SGIP1: variants seen among roughly 807,000 people sequenced by gnomAD.
The protein encoded by SGIP1 is SH3GL interacting endocytic adaptor 1.
In SGIP1, 38 loss-of-function variants were observed where a neutral mutation model predicts 107.5. That is an observed-to-expected ratio of 0.35 (90% CI 0.27 to 0.46). SGIP1 has a LOEUF of 0.46. SGIP1 is among the 20% of genes least tolerant of loss of function. SGIP1 has a pLI of 1.00. For synonymous variants in SGIP1, 365 were observed against 366.1 expected (o/e 1.00, Z 0.03); for missense variants, 929 against 1,019.5 (o/e 0.91, Z 1.21).
intron 4 of SGIP1, 103 bp downstream of exon 4, chr1:66,636,118 C>T (rs920349129): frequency 6.7e-5 from 75 of 1,124,756 alleles, no homozygotes; most frequent in Non-Finnish European, 9.1e-5. Flanking sequence ...TCATTTACTC[C>T]ATTTAAGAAA....
intron 7 of SGIP1, among the ~76,000 whole-genome samples, chr1:66,657,537 T>G (rs1557484105): frequency 6.6e-6 from 1 of 152,182 alleles, no homozygotes; most frequent in African/African-American, 2.4e-5. Flanking sequence ...CTAACTTGAG[T>G]GCATACTTGC....
intron 4 of SGIP1, among the ~76,000 whole-genome samples, chr1:66,637,757 A>G (rs2076068219): frequency 6.6e-6 from 1 of 150,988 alleles, no homozygotes; most frequent in Non-Finnish European, 1.5e-5. Context: ...GTGTGTGTGT[A>G]TAGGTATCTG....
At chr1:66,704,464 A>G (rs141691092) in intron 18 of SGIP1, 37 of 152,274 alleles carry the variant, frequency 2.4e-4, no homozygotes, top group African/African-American at 8.2e-4. Context: ...GAGATGTGGC[A>G]GAAAATCTTT....
intron 4 of SGIP1, 117 bp from the exon 5 acceptor site, chr1:66,639,660 T>G: frequency 1.2e-6 from 1 of 805,938 alleles, no homozygotes; most frequent in East Asian, 2.7e-5. Flanking sequence ...CTAATATGTC[T>G]TTCCAGTGCT....
chr1:66,713,668 G>T (rs944244810), intron 18 of SGIP1, among the ~76,000 whole-genome samples: 7 of 152,178 alleles, frequency 4.6e-5, no homozygotes, highest in African/African-American at 1.7e-4. Context: ...ATAGGGGGAA[G>T]GATATGCCTC....
chr1:66,562,849 C>T (rs1203138864), intron 1 of SGIP1, among the ~76,000 whole-genome samples: 1 of 151,948 alleles, frequency 6.6e-6, no homozygotes, highest in East Asian at 1.9e-4. Context: ...CACAGAGGGG[C>T]CAGGCAATTT....
intron 1 of SGIP1, among the ~76,000 whole-genome samples, chr1:66,583,607 A>C (rs1486068658): frequency 6.6e-6 from 1 of 152,144 alleles, no homozygotes; most frequent in Non-Finnish European, 1.5e-5. Flanking sequence ...ACTTAAGAGG[A>C]AACTCTTTTG....
At chr1:66,536,811 A>G (rs1370945384) in intron 1 of SGIP1, among the ~76,000 whole-genome samples, 1 of 152,214 alleles carries the variant, frequency 6.6e-6, no homozygotes, top group East Asian at 1.9e-4. Context: ...ATTTCTGGAA[A>G]GGAAGAAAAC....
chr1:66,704,468 A>C (rs2092313944), intron 18 of SGIP1: 1 of 152,088 alleles, frequency 6.6e-6, no homozygotes, highest in African/African-American at 2.4e-5. Context: ...TGTGGCAGAA[A>C]ATCTTTTATC....
chr1:66,689,312 T>A (rs768996150), intron 16 of SGIP1, 37 bp downstream of exon 16: 1 of 1,596,058 alleles, frequency 6.3e-7, no homozygotes, highest in Non-Finnish European at 8.5e-7. Flanking sequence ...TCAGAAACAG[T>A]GAGAATGACA....
At chr1:66,700,620 T>G (rs973863376) in intron 18 of SGIP1, among the ~76,000 whole-genome samples, 2 of 147,704 alleles carry the variant, frequency 1.4e-5, no homozygotes, top group African/African-American at 4.9e-5. Flanking sequence ...ATGTGTACTA[T>G]GTATAATAAT....
In SGIP1 at chr1:66,681,911, C is replaced by T. The variant is rs1348927066; in HGVS notation, c.857C>T (p.Pro286Leu). 6.2e-7 allele frequency: 1 copy of T among 1,613,790 alleles called. No individual in the cohort carries two copies. Among genetic ancestry groups the T allele is most frequent in the Admixed American group, 1.7e-5 (1 of 59,984 alleles). Residue 286 changes from proline to leucine, a missense_variant, in exon 15 of 25, where the codon CCA becomes CTA. Pro to Leu is a moderately conservative substitution (Grantham distance 98). Coordinates refer to ENST00000371037, the MANE Select transcript of SGIP1 (RefSeq NM_032291.4). Reference sequence around the variant, plus strand: ...ACAGAGGTCAAAATTGAAAAACTACCATCCATCAATGACTTGGACAGCATT... The same window carrying T: ...ACAGAGGTCAAAATTGAAAAACTACTATCCATCAATGACTTGGACAGCATT... ...SATEVKIEKL[P>L]SINDLDSIFG...
intron 18 of SGIP1, among the ~76,000 whole-genome samples, chr1:66,697,397 G>C (rs2091130760): frequency 6.6e-6 from 1 of 152,134 alleles, no homozygotes; most frequent in Admixed American, 6.5e-5. Context: ...TGGGCCAAGA[G>C]AAGTCATGCA....
Position 66,689,959 on chromosome 1 carries a change from C to T in SGIP1, c.1444-231C>T, listed in dbSNP as rs141012213. On this transcript the variant is annotated intron_variant, in intron 16 of 24. Coordinates refer to ENST00000371037, the MANE Select transcript of SGIP1 (RefSeq NM_032291.4). ...CCTGAAACAGACCCACTGACCGTGTCACAGATCCCAGCTTCGCTAAGCTCA... is the reference window on the plus strand; with the variant it reads ...CCTGAAACAGACCCACTGACCGTGTTACAGATCCCAGCTTCGCTAAGCTCA... Among the ~76,000 whole-genome samples the T allele has an allele frequency of 8.3e-3, 1,263 of 152,334 alleles. 9 individuals carry two copies. Among genetic ancestry groups the T allele is most frequent in the Non-Finnish European group, 0.014 (937 of 68,026 alleles).
intron 1 of SGIP1, among the ~76,000 whole-genome samples, chr1:66,552,234 C>T (rs182094789): frequency 7.7e-4 from 118 of 152,270 alleles, no homozygotes; most frequent in African/African-American, 2.8e-3. Flanking sequence ...GATCACTTCT[C>T]ATCAACTCCT....
intron 18 of SGIP1, among the ~76,000 whole-genome samples, chr1:66,698,232 A>C (rs1264649086): frequency 6.6e-6 from 1 of 152,194 alleles, no homozygotes; most frequent in Non-Finnish European, 1.5e-5. Flanking sequence ...AGAGATAGAA[A>C]AGTGTTAGTG....
In SGIP1 at chr1:66,717,719, G is replaced by T. The variant is rs1012116732; in HGVS notation, c.1631-1575G>T. ...ATCTTAAACTTTATGCATACCAGCT[G>T]TGCAGGACTGAACAAGTTGTATAAA... On this transcript the variant is annotated intron_variant, in intron 18 of 24. Coordinates refer to ENST00000371037, the MANE Select transcript of SGIP1 (RefSeq NM_032291.4). Among the ~76,000 whole-genome samples the T allele has an allele frequency of 4.6e-5, 7 of 152,248 alleles. No homozygotes were observed. In the East Asian group the frequency reaches 1.3e-3, roughly 29 times the overall value.
At chr1:66,676,844 T>A (rs2085487883) in intron 12 of SGIP1, 160 bp from the exon 13 acceptor site, 1 of 611,996 alleles carries the variant, frequency 1.6e-6, no homozygotes, top group African/African-American at 1.9e-5. Flanking sequence ...TATTCTCTGC[T>A]TGAAAAGAAT....
At chr1:66,617,003 A>G (rs994419836) in intron 1 of SGIP1, among the ~76,000 whole-genome samples, 11 of 152,210 alleles carry the variant, frequency 7.2e-5, no homozygotes, top group African/African-American at 1.7e-4. Flanking sequence ...TGCTCAGCTC[A>G]GAATGATGAG....
Sources: allele counts gnomAD v4.1 joint callset (sites outside exome capture counted in the v4.1 genomes callset), GRCh38; gene constraint gnomAD v4.1.1; transcripts MANE v1.5; gene names NCBI Gene and HGNC (gene_info 2026-07-23, HGNC 2026-07-21).